SAMSN1: variants seen among roughly 807,000 people sequenced by gnomAD.
The protein encoded by SAMSN1 is SAM domain, SH3 domain and nuclear localization signals 1.
In SAMSN1, 31 loss-of-function variants were observed where a neutral mutation model predicts 42.0. The observed-to-expected ratio is 0.74, with a 90% CI of 0.55 to 1.00. The LOEUF (loss-of-function observed/expected upper bound fraction) is 1.00. Ranked by LOEUF, SAMSN1 falls within the 50% of genes least tolerant of loss-of-function variation. The pLI is 0.00. For synonymous variants in SAMSN1, 178 were observed against 151.9 expected (o/e 1.17, Z -1.26); for missense variants, 464 against 439.4 (o/e 1.06, Z -0.50).
At position 14,525,252 on chromosome 21, in the gene SAMSN1, T is replaced by C. The variant is rs139940611; in HGVS notation, c.58-4031A>G. Among the ~76,000 whole-genome samples, 391 of 152,196 alleles carry C rather than the reference T, an allele frequency of 2.6e-3. 3 individuals carry two copies. The highest frequency in any genetic ancestry group is 7.3e-3 in the African/African-American group (305 of 41,538). On this transcript the variant is annotated intron_variant, in intron 1 of 7. Transcript: ENST00000400566. ...GAAGCATTAAATACAACTAATGAGA[T>C]ATTGTTTATAAGAAAGAAAGGAAGC... is the stretch of plus-strand genomic sequence containing the variant.
upstream of SAMSN1, among the ~76,000 whole-genome samples, chr21:14,546,827 A>G (rs1301031916): frequency 6.6e-6 from 1 of 152,038 alleles, no homozygotes; most frequent in East Asian, 1.9e-4. Context: ...CTCCTGCCTC[A>G]GCCTCCCAAG....
chr21:14,589,707 T>C (rs1427872274), intron 7 of SAMSN1, among the ~76,000 whole-genome samples: 5 of 152,170 alleles, frequency 3.3e-5, no homozygotes, highest in Non-Finnish European at 7.4e-5. Context: ...GTCTGAATTA[T>C]GTTCTCTTTA....
At chr21:14,533,492 G>A (rs961919003) in intron 1 of SAMSN1, among the ~76,000 whole-genome samples, 17 of 152,276 alleles carry the variant, frequency 1.1e-4, no homozygotes, top group African/African-American at 3.8e-4. Context: ...AGTGAAGCCA[G>A]TTAGCAACTT....
At chr21:14,558,695 C>T (rs1980842629) in intron 2 of SAMSN1, among the ~76,000 whole-genome samples, 1 of 150,070 alleles carries the variant, frequency 6.7e-6, no homozygotes, top group South Asian at 2.1e-4. Flanking sequence ...AAAACAAAAA[C>T]AAAAACAACA....
intron 2 of SAMSN1, among the ~76,000 whole-genome samples, chr21:14,638,639 T>G (rs990589539): frequency 2.0e-5 from 3 of 152,248 alleles, no homozygotes; most frequent in Non-Finnish European, 4.4e-5. Context: ...GTCCCTACTG[T>G]AGAGTGAAAA....
Position 14,500,563 on chromosome 21 carries a change from G to A in SAMSN1, c.734C>T (p.Thr245Ile). Residue 245 changes from threonine (T) to isoleucine (I), a missense_variant, in exon 6 of 8, where the codon ACT becomes ATT. Transcript: ENST00000400566. Reference sequence around the variant, plus strand: ...AATCCTCTCTAGGAACTCCTGCAGAGTCTTGGATTTTTTGCTGTTACTCCT... The same window carrying A: ...AATCCTCTCTAGGAACTCCTGCAGAATCTTGGATTTTTTGCTGTTACTCCT... Reference protein sequence around the residue: ...NRRSNSKKSKTLQEFLERIHL... With the variant: ...NRRSNSKKSKILQEFLERIHL... The A allele has an allele frequency of 1.2e-6, 2 of 1,614,130 alleles. No homozygotes were observed. The highest frequency in any genetic ancestry group is 1.1e-5 in the South Asian group (1 of 91,078).
chr21:14,538,741 C>T (rs1979803592), intron 1 of SAMSN1, among the ~76,000 whole-genome samples: 1 of 152,118 alleles, frequency 6.6e-6, no homozygotes, highest in Non-Finnish European at 1.5e-5. Flanking sequence ...CTCATCATTG[C>T]TAGGATCAAA....
At chr21:14,546,810 A>G (rs1344783774), upstream of SAMSN1, among the ~76,000 whole-genome samples, 1 of 152,084 alleles carries the variant, frequency 6.6e-6, no homozygotes, top group Non-Finnish European at 1.5e-5. Context: ...CCCGGGTTCA[A>G]GCGACTCTCC....
At chr21:14,642,839 A>G (rs2822815) in intron 2 of SAMSN1, among the ~76,000 whole-genome samples, 12,906 of 152,244 alleles carry the variant, frequency 0.085, 683 homozygotes, top group Admixed American at 0.18. Context: ...ATAAGCCAAA[A>G]TCATAAAAAA....
intron 2 of SAMSN1, among the ~76,000 whole-genome samples, chr21:14,630,551 C>T (rs1180265045): frequency 6.6e-6 from 1 of 151,954 alleles, no homozygotes; most frequent in Non-Finnish European, 1.5e-5. Flanking sequence ...CGGGACGAAA[C>T]CAATTAAAAC....
At chr21:14,647,548 T>A (rs924257429) in intron 1 of SAMSN1, among the ~76,000 whole-genome samples, 9 of 148,526 alleles carry the variant, frequency 6.1e-5, no homozygotes, top group African/African-American at 2.2e-4. Context: ...TTGATGGGGA[T>A]GGCATTAAAT....
chr21:14,582,552 T>C, intron 1 of SAMSN1: 1 of 630,866 alleles, frequency 1.6e-6, no homozygotes, highest in East Asian at 2.7e-5. Context: ...GAATTATTCT[T>C]CCATTTATAT....
Position 14,501,586 on chromosome 21 carries a change from A to G in SAMSN1, c.562-851T>C, listed in dbSNP as rs531759707. On this transcript the variant is annotated intron_variant, in intron 5 of 7. Coordinates refer to ENST00000400566, the MANE Select transcript of SAMSN1 (RefSeq NM_022136.5). ...TAGCTGGGGAAGGAGATGAAAGAGA[A>G]GTCTGTTACTCTATATATTTCTAGT... 2.0e-4 allele frequency among the ~76,000 whole-genome samples: 31 copies of G among 152,336 alleles called. No individual in the cohort carries two copies. The South Asian group carries it at 5.4e-3, about 26-fold the overall frequency.
chr21:14,501,439 A>C (rs182029200), intron 5 of SAMSN1, among the ~76,000 whole-genome samples: 8 of 152,366 alleles, frequency 5.3e-5, no homozygotes, highest in Non-Finnish European at 1.2e-4. Context: ...GCAGGAAGTT[A>C]ACGGCAGAAC....
At chr21:14,539,746 A>C (rs7510551) in intron 1 of SAMSN1, among the ~76,000 whole-genome samples, 82,490 of 151,914 alleles carry the variant, frequency 0.54, 22,818 homozygotes, top group East Asian at 0.79. Flanking sequence ...TCAATGCCAT[A>C]CCCATCAAGC....
At chr21:14,632,757 C>T (rs886333432) in intron 2 of SAMSN1, among the ~76,000 whole-genome samples, 1 of 152,162 alleles carries the variant, frequency 6.6e-6, no homozygotes, top group African/African-American at 2.4e-5. Context: ...TTTAAGGTTT[C>T]ATCTGAAGGT....
At chr21:14,540,772 C>T (rs1008386102) in intron 1 of SAMSN1, among the ~76,000 whole-genome samples, 1 of 152,186 alleles carries the variant, frequency 6.6e-6, no homozygotes, top group Non-Finnish European at 1.5e-5. Flanking sequence ...AGCCAGCCAT[C>T]CCATTGCTGG....
intron 1 of SAMSN1, among the ~76,000 whole-genome samples, chr21:14,535,005 G>A (rs1457472074): frequency 6.6e-6 from 1 of 152,102 alleles, no homozygotes; most frequent in African/African-American, 2.4e-5. Context: ...AAGAATTCAT[G>A]AGTTGGAAAA....
At chr21:14,623,102 C>T (rs1222986498) in intron 2 of SAMSN1, among the ~76,000 whole-genome samples, 1 of 152,148 alleles carries the variant, frequency 6.6e-6, no homozygotes, top group Non-Finnish European at 1.5e-5. Flanking sequence ...GCCTGCCCTA[C>T]AAGAGCTCCT....
Sources: gnomAD v4.1 joint callset for allele counts (sites outside exome capture counted in the v4.1 genomes callset) on GRCh38, gnomAD v4.1.1 for gene constraint, MANE v1.5 for transcripts, NCBI Gene and HGNC (gene_info 2026-07-23, HGNC 2026-07-21) for gene names.